UBE3A: variants seen among roughly 807,000 people sequenced by gnomAD.
The protein encoded by UBE3A is ubiquitin protein ligase E3A, also known as ubiquitin-protein ligase E3A.
Under a neutral mutation model 83.4 loss-of-function variants are expected in UBE3A, and 6 were observed. The observed-to-expected ratio is 0.07, with a 90% CI of 0.04 to 0.14. The LOEUF (loss-of-function observed/expected upper bound fraction) is 0.14, where lower values mean the gene tolerates loss of function less well. Ranked by LOEUF, UBE3A falls within the 10% of genes least tolerant of loss-of-function variation. UBE3A has a pLI of 1.00. For missense variants in UBE3A, 456 were observed against 1,036.1 expected (o/e 0.44, Z 7.69); for synonymous variants, 337 against 355.4 (o/e 0.95, Z 0.58).
chr15:25,360,975 A>T (rs1005876821), intron 6 of UBE3A, among the ~76,000 whole-genome samples: 38 of 152,166 alleles, frequency 2.5e-4, no homozygotes, highest in African/African-American at 8.4e-4. Context: ...AAAATATTTC[A>T]ATTAAGAAAA....
In UBE3A at chr15:25,405,477, T is replaced by C. The variant is rs777538399; in HGVS notation, c.46A>G (p.Ile16Val). 11 of 1,613,822 alleles carry C rather than the reference T, an allele frequency of 6.8e-6. No homozygotes were observed. Among genetic ancestry groups the C allele is most frequent in the Non-Finnish European group, 8.5e-7 (1 of 1,179,902 alleles). The change falls in exon 4 of 13, where the codon ATT (isoleucine) becomes GTT (valine). Residue 16 changes from isoleucine (I) to valine (V), a missense_variant. Ile to Val is a conservative substitution (Grantham distance 29, BLOSUM62 3). Transcript: ENST00000648336. ...KRSGEPQSDD[I>V]EASRMKRAAA... is the part of the protein sequence containing the mutation. ...TACACTTACATTCGGCTAGCTTCAA[T>C]GTCGTCAGACTGAGGTTCTCCTGAT...
intron 4 of UBE3A, among the ~76,000 whole-genome samples, chr15:25,387,875 A>G (rs1466910442): frequency 6.6e-6 from 1 of 152,242 alleles, no homozygotes; most frequent in Non-Finnish European, 1.5e-5. Context: ...CCTAGATGAA[A>G]TGAATCAATT....
At chr15:25,342,737 A>G (rs2075053917) in intron 11 of UBE3A, among the ~76,000 whole-genome samples, 1 of 152,174 alleles carries the variant, frequency 6.6e-6, no homozygotes, top group Non-Finnish European at 1.5e-5. Flanking sequence ...AGGGTCCAGC[A>G]GGAGCTACAT....
At chr15:25,399,816 A>T (rs1168050284) in intron 4 of UBE3A, among the ~76,000 whole-genome samples, 1 of 151,892 alleles carries the variant, frequency 6.6e-6, no homozygotes, top group Non-Finnish European at 1.5e-5. Flanking sequence ...GGTTTCAAGT[A>T]ATCCTTCTGC....
intron 1 of UBE3A, among the ~76,000 whole-genome samples, chr15:25,416,835 G>A (rs1164782103): frequency 1.3e-5 from 2 of 152,252 alleles, no homozygotes; most frequent in East Asian, 3.9e-4. Flanking sequence ...AAACAAAGGA[G>A]GTGAGCCATC....
chr15:25,402,659 G>A (rs1275784946), intron 4 of UBE3A, among the ~76,000 whole-genome samples: 1 of 152,190 alleles, frequency 6.6e-6, no homozygotes, highest in Non-Finnish European at 1.5e-5. Context: ...TAGGGTCTAA[G>A]TCTGGTGTAC....
At position 25,420,895 on chromosome 15, in the gene UBE3A, CAA is replaced by C. The variant is rs1472394683; in HGVS notation, c.-164-8926_-164-8925del. The C allele has an allele frequency of 3.3e-5, 5 of 152,236 alleles. No individual in the cohort carries two copies. The South Asian group carries it at 6.2e-4, about 19-fold the overall frequency. The allele number at this position is 152,236 out of a possible 1,614,324, so 9.4% of individuals were successfully genotyped here. Reference sequence around the variant, plus strand: ...GCATCATTCACATAGTTAAAAGTTACAAAGAGTCCAAATGTCCACTGACAAAT... The same window carrying C: ...GCATCATTCACATAGTTAAAAGTTACAGAGTCCAAATGTCCACTGACAAAT... On this transcript the variant is annotated intron_variant, in intron 1 of 12. Coordinates refer to ENST00000648336, the MANE Select transcript of UBE3A (RefSeq NM_130839.5).
chr15:25,411,641 T>C (rs2153085855), intron 2 of UBE3A, among the ~76,000 whole-genome samples: 1 of 152,162 alleles, frequency 6.6e-6, no homozygotes, highest in Middle Eastern at 3.4e-3. Flanking sequence ...ATGAAAGCTA[T>C]TATTAATACT....
At chr15:25,340,321 G>A in intron 11 of UBE3A, 93 bp from the exon 12 acceptor site, 5 of 1,432,308 alleles carry the variant, frequency 3.5e-6, no homozygotes, top group South Asian at 3.5e-5. Flanking sequence ...ACTATATTAA[G>A]AGACAACTTG....
chr15:25,364,810 T>A (rs930428124), intron 6 of UBE3A, among the ~76,000 whole-genome samples: 1 of 149,100 alleles, frequency 6.7e-6, no homozygotes, highest in African/African-American at 2.4e-5. Flanking sequence ...CGCCTGGCTA[T>A]TTTTTTTTGT....
At chr15:25,419,657 C>T (rs1452517319) in intron 1 of UBE3A, among the ~76,000 whole-genome samples, 1 of 151,980 alleles carries the variant, frequency 6.6e-6, no homozygotes, top group East Asian at 1.9e-4. Flanking sequence ...TAAGTTTCTT[C>T]GTAAGACAAC....
intron 11 of UBE3A, among the ~76,000 whole-genome samples, chr15:25,341,426 A>G (rs1481777248): frequency 1.3e-5 from 2 of 151,764 alleles, no homozygotes; most frequent in African/African-American, 4.8e-5. Context: ...AAGTATTTTT[A>G]GTTGCTTATA....
chr15:25,344,131 A>G (rs1006088240), intron 11 of UBE3A, among the ~76,000 whole-genome samples: 2 of 152,226 alleles, frequency 1.3e-5, no homozygotes, highest in African/African-American at 2.4e-5. Flanking sequence ...GATACTTTAC[A>G]TATGTACGGA....
At chr15:25,339,849 A>G (rs994363101) in intron 12 of UBE3A, 2 of 543,616 alleles carry the variant, frequency 3.7e-6, no homozygotes, top group African/African-American at 1.9e-5. Context: ...TAAATGAATC[A>G]CACTAATTTG....
At chr15:25,362,375 A>G (rs991115728) in intron 6 of UBE3A, among the ~76,000 whole-genome samples, 2 of 152,240 alleles carry the variant, frequency 1.3e-5, no homozygotes, top group Non-Finnish European at 2.9e-5. Flanking sequence ...ACCAAGAGTC[A>G]GTCAGAATTC....
chr15:25,402,912 T>C (rs2087528808), intron 4 of UBE3A, among the ~76,000 whole-genome samples: 1 of 152,224 alleles, frequency 6.6e-6, no homozygotes, highest in Non-Finnish European at 1.5e-5. Context: ...AGTGCTAGTC[T>C]GCCATCTTGC....
At chr15:25,398,771 T>TTATATATATATATATATATATATATATA (rs1159969391) in intron 4 of UBE3A, among the ~76,000 whole-genome samples, 1 of 68,958 alleles carries the variant, frequency 1.5e-5, no homozygotes, top group Admixed American at 1.8e-4. Flanking sequence ...ATTCTTTTAT[T>TTATATATATATATATATATATATATATA]TATATATATA....
chr15:25,417,873 A>T (rs2153123871), intron 1 of UBE3A: 1 of 152,092 alleles, frequency 6.6e-6, no homozygotes, highest in Non-Finnish European at 1.5e-5. Flanking sequence ...AATGGCAACA[A>T]TCTTCCAAAT....
At chr15:25,382,396 TAA>T (rs111917526) in intron 4 of UBE3A, among the ~76,000 whole-genome samples, 10 of 147,254 alleles carry the variant, frequency 6.8e-5, no homozygotes, top group African/African-American at 2.5e-4. Context: ...TGATATATGA[TAA>T]AAAAAAAAGT....
Sources: allele counts gnomAD v4.1 joint callset (sites outside exome capture counted in the v4.1 genomes callset), GRCh38; gene constraint gnomAD v4.1.1; transcripts MANE v1.5; gene names NCBI Gene and HGNC (gene_info 2026-07-23, HGNC 2026-07-21).